The following UPF2 variants were observed in gnomAD, a reference collection of about 807,000 sequenced individuals.
UPF2 encodes UPF2 regulator of nonsense mediated mRNA decay.
In UPF2, 17 loss-of-function variants were observed where a neutral mutation model predicts 141.4. That is an observed-to-expected ratio of 0.12 (90% CI 0.08 to 0.18). The LOEUF is 0.18. Among genes scored for constraint, UPF2 ranks in the 10% least tolerant of loss-of-function variants. The probability of loss-of-function intolerance (pLI) is 1.00; values close to 1 mark genes in which losing one functional copy is unlikely to be tolerated. For missense variants in UPF2, 1,152 were observed against 1,515.9 expected, an observed-to-expected ratio of 0.76 and a Z score of 3.99; for synonymous variants, 540 against 498.0, an observed-to-expected ratio of 1.08 and a Z score of -1.12.
chr10:11,934,753 C>T (rs1832826043), intron 19 of UPF2, among the ~76,000 whole-genome samples: 1 of 152,148 alleles, frequency 6.6e-6, no homozygotes, highest in Admixed American at 6.5e-5. Flanking sequence ...CCAAGCCTGG[C>T]TAATTTTTGT....
intron 4 of UPF2, among the ~76,000 whole-genome samples, chr10:12,009,019 ACT>A: frequency 6.6e-6 from 1 of 151,756 alleles, no homozygotes; most frequent in Non-Finnish European, 1.5e-5. Flanking sequence ...AAGGACATGA[ACT>A]CACTCTTTTT....
rs550759599 is a variant in UPF2 at position 11,932,483 on chromosome 10, A to G, written c.3547-701T>C. 5.3e-5 allele frequency among the ~76,000 whole-genome samples: 8 copies of G among 152,244 alleles called. No homozygotes were observed. The South Asian group carries it at 1.7e-3, about 31-fold the overall frequency. ...CTTCTAAAGGGAAACAATTATAAAT[A>G]AAAGATGAACAAAAACACATTTTAT... On this transcript the variant is annotated intron_variant, in intron 19 of 21. Transcript: ENST00000357604.
chr10:11,924,331 A>G (rs1389828911), intron 21 of UPF2, among the ~76,000 whole-genome samples: 1 of 152,228 alleles, frequency 6.6e-6, no homozygotes, highest in Non-Finnish European at 1.5e-5. Flanking sequence ...TAATCCCAGC[A>G]CTTTGGGAGG....
At chr10:11,988,872 GAA>G (rs1833736630) in intron 8 of UPF2, among the ~76,000 whole-genome samples, 1 of 152,228 alleles carries the variant, frequency 6.6e-6, no homozygotes, top group Non-Finnish European at 1.5e-5. Flanking sequence ...AAAGGATAGA[GAA>G]AGCTGTGTGA....
intron 3 of UPF2, among the ~76,000 whole-genome samples, chr10:12,028,208 ACTC>A (rs1386863992): frequency 6.6e-6 from 1 of 152,074 alleles, no homozygotes; most frequent in African/African-American, 2.4e-5. Flanking sequence ...CAGGAAGAAG[ACTC>A]CTACAAATGA....
rs186675310 is a variant in UPF2, at chr10:12,007,954, C to T, written c.1307-3227G>A. ...CACCCAGGCTGGAGTGCAATCTCAG[C>T]TCACTGCAACCTCTGCCTCCTGGGT... On this transcript the variant is annotated intron_variant, in intron 4 of 21. Coordinates refer to ENST00000357604, the MANE Select transcript of UPF2 (RefSeq NM_015542.4). Among the ~76,000 whole-genome samples, 9 of 151,538 alleles carry T rather than the reference C, an allele frequency of 5.9e-5. No homozygotes were observed. The East Asian group carries it at 1.7e-3, about 29-fold the overall frequency.
Position 11,955,432 on chromosome 10 carries a change from C to T in UPF2, c.2650G>A (p.Val884Met). Residue 884 changes from valine (V) to methionine (M), a missense_variant, in exon 14 of 22, where the codon GTG (valine) becomes ATG (methionine). Physicochemically the swap from Val to Met is conservative, Grantham distance 21. Coordinates refer to ENST00000357604, the MANE Select transcript of UPF2 (RefSeq NM_015542.4). ...GTTCTGAAAATAACAGCTGATTCCA[C>T]CATTCGGTAATTGTAAAGTTCTCCT... ...FLGELYNYRM[V>M]ESAVIFRTLY... The T allele has an allele frequency of 6.2e-7, 1 of 1,614,150 alleles. No homozygotes were observed. The highest frequency in any genetic ancestry group is 8.5e-7 in the Non-Finnish European group (1 of 1,180,036).
At position 12,035,237 on chromosome 10, in the gene UPF2, C is replaced by A. The variant is rs772875780; in HGVS notation, c.187G>T (p.Asp63Tyr). The A allele has an allele frequency of 5.6e-6, 9 of 1,613,150 alleles. No homozygotes were observed. The highest frequency in any genetic ancestry group is 2.2e-5 in the East Asian group (1 of 44,870). Residue 63 changes from aspartate (D) to tyrosine (Y), a missense_variant, in exon 2 of 22, where the codon GAT (aspartate) becomes TAT (tyrosine). Transcript: ENST00000357604. ...TCCTTGTCTTCCTTTTTTCTCTTAT[C>A]ATCTTCCAGTCTCTTCTTCTTGTCT... ...PEDKKKRLED[D>Y]KRKKEDKERK...
chr10:11,938,415 G>A (rs867971111), intron 18 of UPF2, among the ~76,000 whole-genome samples: 2 of 151,914 alleles, frequency 1.3e-5, no homozygotes, highest in Non-Finnish European at 1.5e-5. Flanking sequence ...TAAATTTTTA[G>A]ATCAACTGGC....
rs1035204904 is a variant in UPF2, at chr10:11,992,166, T to C, written c.1844+5506A>G. Among the ~76,000 whole-genome samples, 3 of 151,960 alleles carry C rather than the reference T, an allele frequency of 2.0e-5. No homozygotes were observed. Among genetic ancestry groups the C allele is most frequent in the African/African-American group, 4.8e-5 (2 of 41,384 alleles). On this transcript the variant is annotated intron_variant, in intron 8 of 21. Transcript: ENST00000357604. This position sits in a 1 kb window ranked among gnomAD's most constrained non-coding sequence, Gnocchi z 4.1. The stretch of plus-strand genomic sequence containing the variant: ...CTCAAAAAAAAAAATGAAAATGACC[T>C]TCAGCAAATAAGGGCATTAGAGCAA...
intron 19 of UPF2, among the ~76,000 whole-genome samples, chr10:11,932,949 G>C (rs1832800656): frequency 6.6e-6 from 1 of 151,970 alleles, no homozygotes. Flanking sequence ...GCATTTGTTT[G>C]AATAAAAAAG....
rs750501613 is a variant in UPF2, at chr10:11,956,286, C to A, written c.2574+34G>T. 6.3e-7 allele frequency: 1 copy of A among 1,588,060 alleles called. No individual in the cohort carries two copies. ...AGAAATAATAAATTCTCCACGAATT[C>A]CAGTTGTGTGACATTAAAGGAAGTC... On this transcript the variant is annotated intron_variant, in intron 13 of 21. Coordinates refer to ENST00000357604, the MANE Select transcript of UPF2 (RefSeq NM_015542.4). The surrounding 1 kb of genome is among the most constrained non-coding windows in gnomAD (Gnocchi z 4.2).
intron 8 of UPF2, among the ~76,000 whole-genome samples, chr10:11,986,692 T>A (rs1031174654): frequency 6.6e-6 from 1 of 152,182 alleles, no homozygotes; most frequent in Non-Finnish European, 1.5e-5. Context: ...AAATGAAATA[T>A]AATAAGCAAA....
intron 19 of UPF2, among the ~76,000 whole-genome samples, chr10:11,934,327 A>T (rs544480431): frequency 6.6e-6 from 1 of 152,262 alleles, no homozygotes; most frequent in South Asian, 2.1e-4. Flanking sequence ...TTTTTTAAAA[A>T]GCTCTCATTT....
chr10:11,947,583 A>C (rs1438888115), intron 16 of UPF2, among the ~76,000 whole-genome samples: 1 of 151,794 alleles, frequency 6.6e-6, no homozygotes, highest in East Asian at 2.0e-4. Flanking sequence ...GGAGTTTGAG[A>C]CCAGCCTGGG....
At chr10:11,952,696 A>C (rs1036746445) in intron 14 of UPF2, among the ~76,000 whole-genome samples, 1 of 151,818 alleles carries the variant, frequency 6.6e-6, no homozygotes, top group African/African-American at 2.4e-5. Context: ...GGATGTTCTC[A>C]ATCTCCTGAC....
chr10:12,025,964 T>G (rs1015567057), intron 3 of UPF2, among the ~76,000 whole-genome samples: 2 of 152,158 alleles, frequency 1.3e-5, no homozygotes, highest in Non-Finnish European at 2.9e-5. Context: ...CAGCTAATTT[T>G]TATATTTTTT....
intron 5 of UPF2, among the ~76,000 whole-genome samples, chr10:12,004,182 G>A (rs1293701727): frequency 1.3e-5 from 2 of 152,112 alleles, no homozygotes; most frequent in Admixed American, 6.6e-5. Context: ...AGAAAGGGCA[G>A]TACAGGTAAT....
rs1832897282 is a variant in UPF2, at chr10:11,938,868, T to TTTTTTTTTTTTTTTTTTTTTTTTTTTTTG, written c.3379-2157_3379-2156insCAAAAAAAAAAAAAAAAAAAAAAAAAAAA. Among the ~76,000 whole-genome samples the TTTTTTTTTTTTTTTTTTTTTTTTTTTTTG allele has an allele frequency of 8.3e-4, 75 of 90,848 alleles. 4 individuals carry two copies. The highest frequency in any genetic ancestry group is 1.4e-3 in the Non-Finnish European group (58 of 41,878). 59.6% of individuals were successfully genotyped at this position (90,848 alleles called of 152,430 possible). A position where few individuals can be genotyped will look rare whatever the true frequency, so the allele number is the denominator to read the frequency against. On this transcript the variant is annotated intron_variant, in intron 18 of 21. Coordinates refer to ENST00000357604, the MANE Select transcript of UPF2 (RefSeq NM_015542.4). ...TTTTTTTTTTGTTTTTTTTTTTTTT[T>TTTTTTTTTTTTTTTTTTTTTTTTTTTTTG]TTTTTTTTTTTTTTGGAGACGGAGT... is the stretch of plus-strand genomic sequence containing the variant.
Sources: gnomAD v4.1 joint callset for allele counts (sites outside exome capture counted in the v4.1 genomes callset) on GRCh38, gnomAD v4.1.1 for gene constraint, Gnocchi (gnomAD v3.1) non-coding constraint, MANE v1.5 for transcripts, NCBI Gene and HGNC (gene_info 2026-07-23, HGNC 2026-07-21) for gene names.